PPP2R2B: variants seen among roughly 807,000 people sequenced by gnomAD.
The protein encoded by PPP2R2B is protein phosphatase 2 regulatory subunit Bbeta, also known as serine/threonine-protein phosphatase 2A 55 kDa regulatory subunit B beta isoform.
PPP2R2B carries 5 observed loss-of-function variants against 46.0 expected under a neutral mutation model. The observed-to-expected ratio is 0.11, with a 90% CI of 0.06 to 0.23. PPP2R2B has a LOEUF of 0.23. Ranked by LOEUF, PPP2R2B falls within the 10% of genes least tolerant of loss-of-function variation. PPP2R2B has a pLI of 1.00. For synonymous variants in PPP2R2B, 215 were observed against 206.7 expected (o/e 1.04, Z -0.34); for missense variants, 367 against 575.0 (o/e 0.64, Z 3.70).
chr5:146,604,251 G>C (rs1772054644), intron 7 of PPP2R2B, among the ~76,000 whole-genome samples: 1 of 152,234 alleles, frequency 6.6e-6, no homozygotes, highest in South Asian at 2.1e-4. Context: ...TGGAACACCA[G>C]TGTGTGTTCC....
intron 1 of PPP2R2B, among the ~76,000 whole-genome samples, chr5:146,981,370 A>G (rs1753170131): frequency 6.6e-6 from 1 of 152,150 alleles, no homozygotes; most frequent in Admixed American, 6.5e-5. Flanking sequence ...CAAGTCCTAT[A>G]TAATGAGTTA....
chr5:146,601,272 T>G (rs2151018613), intron 7 of PPP2R2B, among the ~76,000 whole-genome samples: 1 of 152,288 alleles, frequency 6.6e-6, no homozygotes. Context: ...TGGTCATATG[T>G]TTTCATTTCT....
intron 6 of PPP2R2B, 76 bp from the exon 7 acceptor site, chr5:146,638,491 C>A: frequency 7.4e-7 from 1 of 1,342,910 alleles, no homozygotes; most frequent in African/African-American, 1.4e-5. Flanking sequence ...AGCAATGGCA[C>A]CATCTTATAT....
At chr5:146,658,007 T>C (rs1462644604) in intron 5 of PPP2R2B, among the ~76,000 whole-genome samples, 2 of 152,224 alleles carry the variant, frequency 1.3e-5, no homozygotes. Context: ...CAAACATTTA[T>C]TGAGCATCTA....
intron 2 of PPP2R2B, among the ~76,000 whole-genome samples, chr5:147,069,785 G>GGTTTTTTTT (rs1757521827): frequency 4.6e-5 from 3 of 64,788 alleles, no homozygotes; most frequent in African/African-American, 2.3e-4. Flanking sequence ...ATTTTATACT[G>GGTTTTTTTT]TTTTTTTTTT....
At chr5:147,051,931 A>G (rs1015481398) in intron 1 of PPP2R2B, among the ~76,000 whole-genome samples, 4 of 151,412 alleles carry the variant, frequency 2.6e-5, no homozygotes, top group Admixed American at 6.6e-5. Context: ...CCCAGCTTGA[A>G]TGGCTTCTTT....
chr5:146,672,456 T>G (rs1268914559), intron 5 of PPP2R2B, among the ~76,000 whole-genome samples: 1 of 150,994 alleles, frequency 6.6e-6, no homozygotes, highest in African/African-American at 2.4e-5. Context: ...AGGGGTAGAG[T>G]CTGGAATTAG....
At chr5:147,075,453 T>C (rs559039873) in intron 2 of PPP2R2B, among the ~76,000 whole-genome samples, 14 of 152,128 alleles carry the variant, frequency 9.2e-5, no homozygotes, top group Non-Finnish European at 1.3e-4. Flanking sequence ...CCAAATACCA[T>C]CTGCATGCTG....
intron 1 of PPP2R2B, among the ~76,000 whole-genome samples, chr5:146,962,983 G>A (rs1055802422): frequency 1.8e-4 from 27 of 152,176 alleles, no homozygotes; most frequent in Non-Finnish European, 3.1e-4. Context: ...GCTGAATAGA[G>A]AACACAGGCC....
At chr5:146,967,248 TC>T (rs775694509) in intron 1 of PPP2R2B, among the ~76,000 whole-genome samples, 2 of 152,198 alleles carry the variant, frequency 1.3e-5, no homozygotes, top group Non-Finnish European at 2.9e-5. Flanking sequence ...AAGAAGCCTT[TC>T]TCCCAAGCTA....
At chr5:147,021,113 AC>A (rs1755242279) in intron 1 of PPP2R2B, among the ~76,000 whole-genome samples, 2 of 152,300 alleles carry the variant, frequency 1.3e-5, no homozygotes, top group Admixed American at 6.5e-5. Flanking sequence ...ACTGCAAACA[AC>A]TAGAAAACTG....
At position 146,698,298 on chromosome 5, in the gene PPP2R2B, G is replaced by GAAAA. The variant is rs779839513; in HGVS notation, c.169-158_169-155dup. On this transcript the variant is annotated intron_variant, in intron 3 of 9. Coordinates refer to ENST00000394411, the MANE Select transcript of PPP2R2B (RefSeq NM_181675.4). ...GGCCATGATAGTCACTAGCACCTCT[G>GAAAA]AAAAAAAAAAAAAAAAAAAATATAT... is the stretch of plus-strand genomic sequence containing the variant. Among the ~76,000 whole-genome samples, 28 of 14,488 alleles carry GAAAA rather than the reference G, an allele frequency of 1.9e-3. 6 individuals are homozygous for GAAAA. The highest frequency in any genetic ancestry group is 5.8e-3 in the South Asian group (1 of 172). 9.5% of individuals were successfully genotyped at this position (14,488 alleles called of 152,430 possible).
chr5:146,591,950 T>G (rs1402697957), intron 9 of PPP2R2B: 1 of 266,974 alleles, frequency 3.7e-6, no homozygotes, highest in Non-Finnish European at 7.1e-6. Context: ...ATATAGTAGG[T>G]GCCTAATAAG....
At chr5:147,071,159 A>G (rs567901950) in intron 2 of PPP2R2B, among the ~76,000 whole-genome samples, 12 of 152,152 alleles carry the variant, frequency 7.9e-5, no homozygotes, top group African/African-American at 2.6e-4. Flanking sequence ...CCAGAATTGT[A>G]GCAGTTGTCT....
intron 1 of PPP2R2B, among the ~76,000 whole-genome samples, chr5:146,954,756 ATGTGTGTGTGTGTGTGTG>A (rs149370877): frequency 6.8e-6 from 1 of 146,644 alleles, no homozygotes; most frequent in African/African-American, 2.5e-5. Context: ...ATGTGTATAT[ATGTGTGTGTGTGTGTGTG>A]TGTGTGTGTG....
At chr5:146,880,901 G>T (rs1762144462), upstream of PPP2R2B, among the ~76,000 whole-genome samples, 1 of 152,182 alleles carries the variant, frequency 6.6e-6, no homozygotes, top group African/African-American at 2.4e-5. Flanking sequence ...TAGATTTCAA[G>T]GTTTCCATTT....
At chr5:146,807,069 G>A (rs944417780) in intron 2 of PPP2R2B, among the ~76,000 whole-genome samples, 2 of 152,094 alleles carry the variant, frequency 1.3e-5, no homozygotes, top group African/African-American at 4.8e-5. Flanking sequence ...GAGACCTGGG[G>A]GCCTGGCAGA....
chr5:146,599,406 A>G lies in PPP2R2B; in HGVS notation c.960+885T>C, dbSNP rs546293276. Among the ~76,000 whole-genome samples, 12 of 152,300 alleles carry G rather than the reference A, an allele frequency of 7.9e-5. No homozygotes were observed. The South Asian group carries it at 2.5e-3, about 32-fold the overall frequency. ...CTTATCTAAATTGTCTGTTTGGCAA[A>G]CTGCAAAGTGAAACACACAGTAAAA... is the stretch of plus-strand genomic sequence containing the variant. On this transcript the variant is annotated intron_variant, in intron 8 of 9. Coordinates refer to ENST00000394411, the MANE Select transcript of PPP2R2B (RefSeq NM_181675.4).
At chr5:146,798,895 A>C (rs1159186161) in intron 2 of PPP2R2B, among the ~76,000 whole-genome samples, 1 of 152,178 alleles carries the variant, frequency 6.6e-6, no homozygotes, top group Non-Finnish European at 1.5e-5. Flanking sequence ...TAGCCACTTC[A>C]CTTCTGTCTT....
Sources: allele counts gnomAD v4.1 joint callset (sites outside exome capture counted in the v4.1 genomes callset), GRCh38; gene constraint gnomAD v4.1.1; transcripts MANE v1.5; gene names NCBI Gene and HGNC (gene_info 2026-07-23, HGNC 2026-07-21).